Variants in TBX18 observed in about 807,000 individuals in gnomAD.
TBX18 encodes T-box transcription factor 18.
In TBX18, 21 loss-of-function variants were observed where a neutral mutation model predicts 55.0. The observed-to-expected ratio is 0.38, with a 90% CI of 0.27 to 0.55. TBX18 has a LOEUF of 0.55. Ranked by LOEUF, TBX18 falls within the 20% of genes least tolerant of loss-of-function variation. TBX18 has a pLI of 0.73. For synonymous variants in TBX18, 342 were observed against 326.1 expected, an observed-to-expected ratio of 1.05 and a Z score of -0.53; for missense variants, 840 against 799.6, an observed-to-expected ratio of 1.05 and a Z score of -0.61.
chr6:84,757,641 T>C (rs982940778), intron 3 of TBX18, among the ~76,000 whole-genome samples: 4 of 152,028 alleles, frequency 2.6e-5, no homozygotes, highest in African/African-American at 9.7e-5. Flanking sequence ...CTTTTCTAAT[T>C]AGGAAACAAA....
intron 1 of TBX18, chr6:84,763,489 T>G: frequency 2.1e-6 from 1 of 476,482 alleles, no homozygotes; most frequent in Non-Finnish European, 4.2e-6. Context: ...GTTTAGGGCA[T>G]TCGTTCCGGT....
rs1766951605 is a variant in TBX18, at chr6:84,738,558, T to C, written c.1038A>G (p.Ala346=). 1.9e-6 allele frequency: 3 copies of C among 1,613,900 alleles called. No individual in the cohort carries two copies. Residue 346 remains alanine (A), a synonymous_variant, in exon 7 of 8, where the codon GCA becomes GCG. Coordinates refer to ENST00000369663, the MANE Select transcript of TBX18 (RefSeq NM_001080508.3). ...GAGTCCGTAGTGATGGTCGCCAGAA[T>C]GCATATGATTCCACCAAGGCTTCCA... ...MGLEALVESY[A]FWRPSLRTLT...
At chr6:84,758,486 T>C (rs2127880591) in intron 3 of TBX18, among the ~76,000 whole-genome samples, 1 of 152,104 alleles carries the variant, frequency 6.6e-6, no homozygotes, top group East Asian at 1.9e-4. Flanking sequence ...AAGTTCCTAA[T>C]TGTGGGCTTT....
In TBX18 at chr6:84,736,290, G is replaced by T. The variant is rs1391019994; in HGVS notation, c.*395C>A. The T allele has an allele frequency of 6.5e-6, 1 of 154,044 alleles. No individual in the cohort carries two copies. Among genetic ancestry groups the T allele is most frequent in the Non-Finnish European group, 1.4e-5 (1 of 69,134 alleles). 9.5% of individuals were successfully genotyped at this position (154,044 alleles called of 1,614,324 possible). A position where few individuals can be genotyped will look rare whatever the true frequency, so the allele number is the denominator to read the frequency against. ...TTACTGCTGGTTATCAATACATCAA[G>T]TATGAAACCGTTTAGAGCATTTTTC... On this transcript the variant is annotated 3_prime_UTR_variant, in exon 8 of 8. Transcript: ENST00000369663.
intron 7 of TBX18, 58 bp from the exon 8 acceptor site, chr6:84,737,467 TTG>T: frequency 1.4e-6 from 2 of 1,480,274 alleles, no homozygotes; most frequent in Non-Finnish European, 1.8e-6. Context: ...CCTTTCAATT[TTG>T]TAAATATGAG....
intron 5 of TBX18, among the ~76,000 whole-genome samples, chr6:84,746,550 T>C (rs1184706951): frequency 2.0e-5 from 3 of 146,810 alleles, no homozygotes; most frequent in Admixed American, 6.9e-5. Flanking sequence ...CATAAATACA[T>C]TTATTTATAA....
At chr6:84,762,398 C>T in intron 2 of TBX18, 146 bp downstream of exon 2, 1 of 968,216 alleles carries the variant, frequency 1.0e-6, no homozygotes. Flanking sequence ...CCAAAGTGAA[C>T]CACGGTCTGG....
intron 2 of TBX18, 45 bp from the exon 3 acceptor site, chr6:84,760,401 G>T: frequency 7.2e-7 from 1 of 1,397,518 alleles, no homozygotes; most frequent in Non-Finnish European, 9.9e-7. Flanking sequence ...GTTTTTGTTT[G>T]TGACTAAGGA....
chr6:84,758,849 A>G (rs1046308282), intron 3 of TBX18, among the ~76,000 whole-genome samples: 2 of 152,200 alleles, frequency 1.3e-5, no homozygotes, highest in African/African-American at 4.8e-5. Flanking sequence ...TATAAGTGAA[A>G]ACAAATTATG....
At position 84,748,032 on chromosome 6, in the gene TBX18, T is replaced by C. The variant is rs1294751919; in HGVS notation, c.827A>G (p.Asp276Gly). The C allele has an allele frequency of 1.2e-6, 2 of 1,613,508 alleles. No individual in the cohort carries two copies. Among genetic ancestry groups the C allele is most frequent in the Non-Finnish European group, 1.7e-6 (2 of 1,179,548 alleles). Reference protein sequence around the residue: ...YQPRVHVIRKDCGDDLSPIKP... With the variant: ...YQPRVHVIRKGCGDDLSPIKP... ...GATGGGAGAAAGATCGTCTCCACAGTCTTTACGGATGACGTGCACTCGCGG... is the reference window on the plus strand; with the variant it reads ...GATGGGAGAAAGATCGTCTCCACAGCCTTTACGGATGACGTGCACTCGCGG... Residue 276 changes from aspartate to glycine, a missense_variant, in exon 5 of 8, where the codon GAC becomes GGC. Coordinates refer to ENST00000369663, the MANE Select transcript of TBX18 (RefSeq NM_001080508.3).
intron 6 of TBX18, among the ~76,000 whole-genome samples, 164 bp from the exon 7 acceptor site, chr6:84,738,755 G>T (rs2127871545): frequency 6.6e-6 from 1 of 152,230 alleles, no homozygotes; most frequent in South Asian, 2.1e-4. Flanking sequence ...CTTCAGCAAT[G>T]GGCTAACATC....
chr6:84,756,662 C>T, intron 4 of TBX18, 36 bp downstream of exon 4: 1 of 1,583,722 alleles, frequency 6.3e-7, no homozygotes, highest in Non-Finnish European at 8.7e-7. Context: ...TGTGGCTGTG[C>T]CATCTACAGA....
At position 84,734,690 on chromosome 6, in the gene TBX18, A is replaced by G. The variant is rs539482991; in HGVS notation, c.*1995T>C. ...TCATCTGAAATGATCAACGGCAAGAAGGAAAATGCTCTTATTAATACATAT... is the reference window on the plus strand; with the variant it reads ...TCATCTGAAATGATCAACGGCAAGAGGGAAAATGCTCTTATTAATACATAT... On this transcript the variant is annotated 3_prime_UTR_variant, in exon 8 of 8. Transcript: ENST00000369663. The G allele has an allele frequency of 6.5e-6, 1 of 152,760 alleles. No homozygotes were observed. The highest frequency in any genetic ancestry group is 2.4e-5 in the African/African-American group (1 of 41,582). 9.5% of individuals were successfully genotyped at this position (152,760 alleles called of 1,614,324 possible). A position where few individuals can be genotyped will look rare whatever the true frequency, so the allele number is the denominator to read the frequency against.
At chr6:84,740,721 A>C (rs1767026788) in intron 6 of TBX18, among the ~76,000 whole-genome samples, 1 of 152,226 alleles carries the variant, frequency 6.6e-6, no homozygotes, top group African/African-American at 2.4e-5. Context: ...AAAGAATGTT[A>C]AGACACAGCT....
Position 84,744,818 on chromosome 6 carries a change from C to T in TBX18, c.940-493G>A, listed in dbSNP as rs951439919. On this transcript the variant is annotated intron_variant, in intron 5 of 7. Coordinates refer to ENST00000369663, the MANE Select transcript of TBX18 (RefSeq NM_001080508.3). ...TTCTTTAAAATTAGGTAATAATGTA[C>T]ACATTCCTTTAATTTTCTGTCTCTG... 1.5e-4 allele frequency among the ~76,000 whole-genome samples: 23 copies of T among 152,194 alleles called. No individual in the cohort carries two copies. In the East Asian group the frequency reaches 4.1e-3, roughly 27 times the overall value.
rs1562265142 is a variant in TBX18, at chr6:84,756,737, C to T, written c.732G>A (p.Lys244=). ...CCAGTTCATTGTTGGTGAGCTTCAG[C>T]TTGTCGAAGCTGATAACTTGTCTCA... ...TWMRQVISFD[K]LKLTNNELDD... is the part of the protein sequence containing the mutation. Residue 244 remains lysine, a synonymous_variant, in exon 4 of 8, where the codon AAG becomes AAA. Coordinates refer to ENST00000369663, the MANE Select transcript of TBX18 (RefSeq NM_001080508.3). The T allele has an allele frequency of 1.2e-6, 2 of 1,614,088 alleles. No homozygotes were observed. Among genetic ancestry groups the T allele is most frequent in the Non-Finnish European group, 1.7e-6 (2 of 1,180,028 alleles).
chr6:84,745,619 C>T (rs1031177088), intron 5 of TBX18, among the ~76,000 whole-genome samples: 1 of 152,036 alleles, frequency 6.6e-6, no homozygotes, highest in African/African-American at 2.4e-5. Flanking sequence ...ATCATGTCTG[C>T]CACTCTGTCA....
intron 4 of TBX18, among the ~76,000 whole-genome samples, chr6:84,753,886 C>G (rs1327188898): frequency 6.6e-6 from 1 of 152,180 alleles, no homozygotes; most frequent in Non-Finnish European, 1.5e-5. Flanking sequence ...TCTCTCCCCA[C>G]ATAGGCTAGA....
intron 6 of TBX18, among the ~76,000 whole-genome samples, chr6:84,740,229 G>A (rs549873209): frequency 1.3e-5 from 2 of 152,274 alleles, no homozygotes; most frequent in South Asian, 4.1e-4. Flanking sequence ...TCTGGCTTCA[G>A]ATGTAATCAA....
Sources: gnomAD v4.1 joint callset for allele counts (sites outside exome capture counted in the v4.1 genomes callset) on GRCh38, gnomAD v4.1.1 for gene constraint, MANE v1.5 for transcripts, NCBI Gene and HGNC (gene_info 2026-07-23, HGNC 2026-07-21) for gene names.